The following NCKAP5 variants were observed in gnomAD, a reference collection of about 807,000 sequenced individuals.
The protein encoded by NCKAP5 is NCK associated protein 5.
A neutral mutation model predicts 167.0 loss-of-function variants in NCKAP5; 92 were observed. The observed-to-expected ratio is 0.55, with a 90% CI of 0.47 to 0.66. The LOEUF (loss-of-function observed/expected upper bound fraction) is 0.66, where lower values mean the gene tolerates loss of function less well. NCKAP5 is among the 30% of genes least tolerant of loss of function. The pLI, the probability that NCKAP5 is intolerant of heterozygous loss-of-function variation, is 0.00. For missense variants in NCKAP5, 2,378 were observed against 2,315.0 expected (o/e 1.03, Z -0.56); for synonymous variants, 891 against 877.4 (o/e 1.02, Z -0.27).
the NCKAP5 span, among the ~76,000 whole-genome samples, chr2:133,612,080 C>T: frequency 6.6e-6 from 1 of 152,144 alleles, no homozygotes; most frequent in African/African-American, 2.4e-5. Flanking sequence ...CACCATTCAA[C>T]CTGGCTGCCA....
the NCKAP5 span, among the ~76,000 whole-genome samples, chr2:133,597,813 T>C: frequency 0.01 from 1,555 of 152,028 alleles, 19 homozygotes; most frequent in Middle Eastern, 0.027. Context: ...AGCCAGTGGA[T>C]GCACAATCAG....
rs1475548985 is a variant in NCKAP5 at position 133,308,946 on chromosome 2, A to G, written c.70-5836T>C. Among the ~76,000 whole-genome samples, 9 of 148,872 alleles carry G rather than the reference A, an allele frequency of 6.0e-5. No individual in the cohort carries two copies. The East Asian group carries it at 7.9e-4, about 13-fold the overall frequency. Reference sequence around the variant, plus strand: ...AGGATGGTCTCGATCTCCTGACCTCATGATCCACCCGCCTCGGCCTCCCAA... The same window carrying G: ...AGGATGGTCTCGATCTCCTGACCTCGTGATCCACCCGCCTCGGCCTCCCAA... On this transcript the variant is annotated intron_variant, in intron 3 of 19. Coordinates refer to ENST00000409261, the MANE Select transcript of NCKAP5 (RefSeq NM_207363.3).
chr2:133,366,486 A>G lies in NCKAP5; in HGVS notation c.70-63376T>C, dbSNP rs560012727. Among the ~76,000 whole-genome samples, 3 of 152,198 alleles carry G rather than the reference A, an allele frequency of 2.0e-5. No homozygotes were observed. The East Asian group carries it at 5.8e-4, about 29-fold the overall frequency. ...CCCAGCTAAATTTTGTATTTTTAGT[A>G]GAGATGGGGCTTCACCATATTGCCA... On this transcript the variant is annotated intron_variant, in intron 3 of 19. Transcript: ENST00000409261.
At chr2:133,204,899 G>A (rs996901054) in intron 5 of NCKAP5, among the ~76,000 whole-genome samples, 2 of 152,136 alleles carry the variant, frequency 1.3e-5, no homozygotes, top group South Asian at 2.1e-4. Flanking sequence ...TTTCCTACCA[G>A]CTAGCTTTGC....
chr2:133,457,497 C>A (rs1691935840), intron 3 of NCKAP5, among the ~76,000 whole-genome samples: 1 of 152,004 alleles, frequency 6.6e-6, no homozygotes, highest in Admixed American at 6.6e-5. Flanking sequence ...AAATAGGATG[C>A]TTTTAAAAGA....
chr2:133,587,944 T>C, the NCKAP5 span, among the ~76,000 whole-genome samples: 1 of 152,178 alleles, frequency 6.6e-6, no homozygotes, highest in African/African-American at 2.4e-5. Context: ...AAACCAGGAT[T>C]TATGACCCAT....
chr2:133,380,780 C>T (rs1686465900), intron 3 of NCKAP5, among the ~76,000 whole-genome samples: 1 of 152,176 alleles, frequency 6.6e-6, no homozygotes, highest in African/African-American at 2.4e-5. Flanking sequence ...AACAAGATCC[C>T]TAGGTAATAT....
chr2:133,542,387 C>T (rs1170320013), intron 2 of NCKAP5, among the ~76,000 whole-genome samples: 1 of 152,144 alleles, frequency 6.6e-6, no homozygotes, highest in South Asian at 2.1e-4. Flanking sequence ...CCTTATTGGA[C>T]ATGTAGGTGG....
rs900086688 is a variant in NCKAP5, at chr2:132,672,356, A to G, written c.*933T>C. On this transcript the variant is annotated 3_prime_UTR_variant, in exon 20 of 20. Coordinates refer to ENST00000409261, the MANE Select transcript of NCKAP5 (RefSeq NM_207363.3). ...ATAGAATTCGGTCATTTCTGATACAATGTCACACTCCCAATCAGTGTCCAC... is the reference window on the plus strand; with the variant it reads ...ATAGAATTCGGTCATTTCTGATACAGTGTCACACTCCCAATCAGTGTCCAC... 6.6e-6 allele frequency: 1 copy of G among 152,292 alleles called. No individual in the cohort carries two copies. Among genetic ancestry groups the G allele is most frequent in the African/African-American group, 2.4e-5 (1 of 41,468 alleles). The allele number at this position is 152,292 out of a possible 1,614,324, so 9.4% of individuals were successfully genotyped here.
chr2:132,737,548 A>G lies in NCKAP5; in HGVS notation c.5129-5497T>C, dbSNP rs1691637411. 2.0e-5 allele frequency among the ~76,000 whole-genome samples: 3 copies of G among 151,994 alleles called. No individual in the cohort carries two copies. The South Asian group carries it at 6.2e-4, about 32-fold the overall frequency. On this transcript the variant is annotated intron_variant, in intron 16 of 19. Coordinates refer to ENST00000409261, the MANE Select transcript of NCKAP5 (RefSeq NM_207363.3). ...TTTTGAAGAAACATTTCCACTGGGG[A>G]TTTTCAAGTTGCTACCTTAGGGTGT... is the stretch of plus-strand genomic sequence containing the variant.
chr2:133,468,843 TTTTG>T (rs1325356782), intron 3 of NCKAP5, among the ~76,000 whole-genome samples: 1 of 152,200 alleles, frequency 6.6e-6, no homozygotes. Flanking sequence ...CCCTGCCTTT[TTTTG>T]TTTTCCATTT....
chr2:133,614,261 T>G, the NCKAP5 span, among the ~76,000 whole-genome samples: 76 of 152,188 alleles, frequency 5.0e-4, no homozygotes, highest in African/African-American at 1.7e-3. Context: ...TTCAGTTCTG[T>G]TGGTGGGGCA....
chr2:133,466,887 T>C (rs1416490828), intron 3 of NCKAP5, among the ~76,000 whole-genome samples: 2 of 152,226 alleles, frequency 1.3e-5, no homozygotes, highest in Admixed American at 6.5e-5. Flanking sequence ...CTGAAGTTGC[T>C]TATCAGCTTA....
chr2:133,576,715 T>A, the NCKAP5 span, among the ~76,000 whole-genome samples: 432 of 152,284 alleles, frequency 2.8e-3, 5 homozygotes, highest in African/African-American at 9.7e-3. Flanking sequence ...TGTACAGAAC[T>A]GGAAAAGTTA....
chr2:133,455,387 A>G (rs142701647), intron 3 of NCKAP5, among the ~76,000 whole-genome samples: 6 of 152,106 alleles, frequency 3.9e-5, no homozygotes, highest in African/African-American at 1.4e-4. Flanking sequence ...AGTCATTTTC[A>G]TGGGACAGAT....
At chr2:133,585,703 T>A in the NCKAP5 span, among the ~76,000 whole-genome samples, 1 of 152,212 alleles carries the variant, frequency 6.6e-6, no homozygotes, top group Non-Finnish European at 1.5e-5. Context: ...CATTTACTAG[T>A]TTTCATAACA....
intron 7 of NCKAP5, among the ~76,000 whole-genome samples, chr2:132,992,437 GAA>G (rs1296661741): frequency 1.3e-5 from 2 of 152,160 alleles, no homozygotes; most frequent in African/African-American, 4.8e-5. Context: ...GAATCTGAAT[GAA>G]AGAGATCCAC....
At chr2:133,607,656 C>T in the NCKAP5 span, among the ~76,000 whole-genome samples, 3 of 152,224 alleles carry the variant, frequency 2.0e-5, no homozygotes, top group East Asian at 5.8e-4. Context: ...TATTTTAATG[C>T]TACCAGAGTT....
chr2:133,237,506 T>C (rs1006743027), intron 4 of NCKAP5, among the ~76,000 whole-genome samples: 1 of 152,210 alleles, frequency 6.6e-6, no homozygotes, highest in Non-Finnish European at 1.5e-5. Context: ...TCATTCAATA[T>C]TCATTAATTC....
Sources: gnomAD v4.1 joint callset for allele counts (sites outside exome capture counted in the v4.1 genomes callset) on GRCh38, gnomAD v4.1.1 for gene constraint, MANE v1.5 for transcripts, NCBI Gene and HGNC (gene_info 2026-07-23, HGNC 2026-07-21) for gene names.